Variants in GPCPD1 observed in about 807,000 individuals in gnomAD.
The protein encoded by GPCPD1 is glycerophosphocholine phosphodiesterase 1.
Under a neutral mutation model 89.2 loss-of-function variants are expected in GPCPD1, and 29 were observed. The ratio of observed to expected loss-of-function variants is 0.33; its 90% CI spans 0.24 to 0.44. The LOEUF (loss-of-function observed/expected upper bound fraction) is 0.44. GPCPD1 is among the 20% of genes least tolerant of loss of function. GPCPD1 has a pLI of 1.00. For missense variants in GPCPD1, 594 were observed against 808.9 expected (o/e 0.73, Z 3.22); for synonymous variants, 258 against 266.3 (o/e 0.97, Z 0.30).
chr20:5,599,088 C>CAGTA (rs1385102982), intron 2 of GPCPD1, among the ~76,000 whole-genome samples: 3 of 152,118 alleles, frequency 2.0e-5, no homozygotes, highest in Non-Finnish European at 4.4e-5. Context: ...CTCATTGAGC[C>CAGTA]AGTAACAAGA....
At chr20:5,582,107 A>G (rs1978552561) in intron 6 of GPCPD1, among the ~76,000 whole-genome samples, 1 of 136,546 alleles carries the variant, frequency 7.3e-6, no homozygotes, top group Non-Finnish European at 1.5e-5. Flanking sequence ...AATGGCGTGA[A>G]CCCGGGAGGC....
chr20:5,558,603 G>A lies in GPCPD1; in HGVS notation c.1668+81C>T, dbSNP rs1985909766. On this transcript the variant is annotated intron_variant, in intron 18 of 19. Coordinates refer to ENST00000379019, the MANE Select transcript of GPCPD1 (RefSeq NM_019593.5). Reference sequence around the variant, plus strand: ...TAGTCAAAACGTTAACATTAGATGGGTAAAGTAATATGAAATCTTTACTAC... The same window carrying A: ...TAGTCAAAACGTTAACATTAGATGGATAAAGTAATATGAAATCTTTACTAC... 2.2e-5 allele frequency: 18 copies of A among 819,658 alleles called. No homozygotes were observed. The South Asian group carries it at 3.1e-4, about 14-fold the overall frequency. The allele number at this position is 819,658 out of a possible 1,614,324, so 50.8% of individuals were successfully genotyped here.
In GPCPD1 at chr20:5,600,333, A is replaced by G. The variant is rs953371355; in HGVS notation, c.50-1512T>C. On this transcript the variant is annotated intron_variant, in intron 2 of 19. Transcript: ENST00000379019. ...CACTTTGGGAGGCCAAGGCAGGGAG[A>G]TCACTTGAGGCCAGGAGTTTGAGAA... 3.9e-5 allele frequency among the ~76,000 whole-genome samples: 6 copies of G among 152,168 alleles called. 1 individual carries two copies. The highest frequency in any genetic ancestry group is 1.4e-4 in the African/African-American group (6 of 41,430).
chr20:5,569,183 T>A (rs1372452334), intron 12 of GPCPD1, among the ~76,000 whole-genome samples: 1 of 150,146 alleles, frequency 6.7e-6, no homozygotes, highest in African/African-American at 2.4e-5. Context: ...TTCCTATACA[T>A]AATATATACA....
chr20:5,595,240 T>C (rs1233934536), intron 3 of GPCPD1, among the ~76,000 whole-genome samples: 1 of 152,188 alleles, frequency 6.6e-6, no homozygotes, highest in African/African-American at 2.4e-5. Flanking sequence ...GGAACATGTA[T>C]ATATATGTAA....
chr20:5,578,773 G>A (rs556206496), intron 7 of GPCPD1, among the ~76,000 whole-genome samples, 162 bp from the exon 8 acceptor site: 13 of 152,226 alleles, frequency 8.5e-5, no homozygotes, highest in Middle Eastern at 3.4e-3. Context: ...ACAGGTTAAG[G>A]AATTAGGTGT....
intron 12 of GPCPD1, among the ~76,000 whole-genome samples, chr20:5,569,014 T>C (rs1986556620): frequency 6.6e-6 from 1 of 152,190 alleles, no homozygotes; most frequent in Non-Finnish European, 1.5e-5. Flanking sequence ...TTAATGTTCT[T>C]CCATGACTAA....
intron 6 of GPCPD1, among the ~76,000 whole-genome samples, chr20:5,583,225 C>CAA (rs35153907): frequency 1.5e-3 from 94 of 64,106 alleles, no homozygotes; most frequent in African/African-American, 1.9e-3. Context: ...AACTCCATCT[C>CAA]AAAAAAAAAA....
chr20:5,596,297 C>T (rs1046276438), intron 3 of GPCPD1, among the ~76,000 whole-genome samples: 3 of 152,022 alleles, frequency 2.0e-5, no homozygotes, highest in Non-Finnish European at 4.4e-5. Context: ...GAGGCTGAGG[C>T]AGGAAGATCA....
intron 4 of GPCPD1, among the ~76,000 whole-genome samples, chr20:5,588,178 T>C (rs535310518): frequency 1.3e-5 from 2 of 152,326 alleles, no homozygotes; most frequent in East Asian, 3.9e-4. Flanking sequence ...TTTAAATGTG[T>C]TTTTTAAATA....
At chr20:5,570,962 T>C (rs1022209583) in intron 11 of GPCPD1, among the ~76,000 whole-genome samples, 1 of 152,220 alleles carries the variant, frequency 6.6e-6, no homozygotes, top group Non-Finnish European at 1.5e-5. Context: ...CTCACCCCTA[T>C]GAATTAATTC....
At chr20:5,559,105 G>C (rs1985940906) in intron 17 of GPCPD1, among the ~76,000 whole-genome samples, 1 of 151,966 alleles carries the variant, frequency 6.6e-6, no homozygotes, top group Non-Finnish European at 1.5e-5. Context: ...AGGAGGCTGG[G>C]GCACCAGATC....
intron 10 of GPCPD1, 40 bp downstream of exon 10, chr20:5,575,373 G>A (rs745732605): frequency 5.4e-6 from 8 of 1,482,200 alleles, no homozygotes; most frequent in African/African-American, 4.2e-5. Flanking sequence ...CCGAACATAA[G>A]CTACACCAAA....
chr20:5,600,965 G>A (rs1424070931), intron 2 of GPCPD1, among the ~76,000 whole-genome samples: 1 of 152,070 alleles, frequency 6.6e-6, no homozygotes, highest in Non-Finnish European at 1.5e-5. Flanking sequence ...ACTTCAGCTT[G>A]GGTGACAGGG....
chr20:5,603,004 A>G (rs1980276818), intron 2 of GPCPD1, among the ~76,000 whole-genome samples: 1 of 145,370 alleles, frequency 6.9e-6, no homozygotes, highest in African/African-American at 2.7e-5. Flanking sequence ...AAAAAAAAAA[A>G]AAGAGGGGGC....
intron 3 of GPCPD1, among the ~76,000 whole-genome samples, chr20:5,597,792 T>G (rs752030911): frequency 5.3e-5 from 8 of 152,106 alleles, no homozygotes; most frequent in Non-Finnish European, 1.0e-4. Context: ...TGCAGAAGAG[T>G]GGCTGACACC....
chr20:5,565,227 C>CTTT, intron 14 of GPCPD1, 149 bp from the exon 15 acceptor site: 3 of 486,292 alleles, frequency 6.2e-6, no homozygotes, highest in Non-Finnish European at 7.3e-6. Context: ...TCTGAGATCC[C>CTTT]TTTTTTTTTT....
intron 15 of GPCPD1, among the ~76,000 whole-genome samples, chr20:5,563,147 T>C (rs943730943): frequency 6.6e-6 from 1 of 152,042 alleles, no homozygotes; most frequent in Non-Finnish European, 1.5e-5. Flanking sequence ...CACACCAGGC[T>C]AATTTTTTAT....
intron 15 of GPCPD1, 53 bp from the exon 16 acceptor site, chr20:5,561,583 T>A: frequency 4.9e-6 from 4 of 812,948 alleles, no homozygotes; most frequent in African/African-American, 3.5e-5. Flanking sequence ...GATAGCAGAA[T>A]AAGAAAACAA....
Sources: gnomAD v4.1 joint callset for allele counts (sites outside exome capture counted in the v4.1 genomes callset) on GRCh38, gnomAD v4.1.1 for gene constraint, MANE v1.5 for transcripts, NCBI Gene and HGNC (gene_info 2026-07-23, HGNC 2026-07-21) for gene names.